Variants in PHRF1 observed in about 807,000 individuals in gnomAD.
PHRF1 encodes PHD and ring finger domains 1.
Under a neutral mutation model 128.9 loss-of-function variants are expected in PHRF1, and 53 were observed. The observed-to-expected ratio is 0.41, with a 90% CI of 0.33 to 0.52. The LOEUF is 0.52. Ranked by LOEUF, PHRF1 falls within the 20% of genes least tolerant of loss-of-function variation. PHRF1 has a pLI of 0.21. For synonymous variants in PHRF1, 1,178 were observed against 980.6 expected (o/e 1.20, Z -3.76); for missense variants, 2,503 against 2,284.5 (o/e 1.10, Z -1.95).
rs751344791 is a variant in PHRF1, at chr11:592,603, G to T, written c.549G>T (p.Pro183=). The change falls in exon 6 of 18, where the codon CCG becomes CCT. Residue 183 remains proline (P), a synonymous_variant. Transcript: ENST00000264555. ...AAGCGAGCGAGGAGGAGGAGGACCC[G>T]ACCTTCTGTGAGGTGTGCGGCAGGA... ...NTKASEEEED[P]TFCEVCGRSD... is the part of the protein sequence containing the mutation. The T allele has an allele frequency of 3.7e-6, 6 of 1,614,070 alleles. No homozygotes were observed. The South Asian group carries it at 6.6e-5, about 18-fold the overall frequency.
intron 14 of PHRF1, among the ~76,000 whole-genome samples, 155 bp downstream of exon 14, chr11:609,875 C>T (rs1220879948): frequency 1.3e-5 from 2 of 151,784 alleles, no homozygotes; most frequent in Non-Finnish European, 2.9e-5. Flanking sequence ...GAGAACAGAG[C>T]CCCCTGTGAA....
chr11:605,129 C>G lies in PHRF1; in HGVS notation c.1163C>G (p.Thr388Ser). 1 of 1,609,508 alleles carries G rather than the reference C, an allele frequency of 6.2e-7. No individual in the cohort carries two copies. The highest frequency in any genetic ancestry group is 8.5e-7 in the Non-Finnish European group (1 of 1,176,488). Residue 388 changes from threonine (T) to serine (S), a missense_variant, in exon 11 of 18, where the codon ACC (threonine) becomes AGC (serine). By Grantham distance (58) the Thr-to-Ser change is moderately conservative (BLOSUM62 1). Transcript: ENST00000264555. ...TGTTACTGGATTCAGAGTGAAGCCA[C>G]CACTCGCTCTCGAATCGCGCGGACG... is the stretch of plus-strand genomic sequence containing the variant. ...RRGKKVKSEA[T>S]TRSRIARTLG...
intron 9 of PHRF1, among the ~76,000 whole-genome samples, chr11:600,560 G>A (rs1007275717): frequency 6.7e-6 from 1 of 149,332 alleles, no homozygotes; most frequent in Non-Finnish European, 1.5e-5. Context: ...GCCGGGCACA[G>A]TGGCTCGCAC....
At chr11:609,748 G>T in intron 14 of PHRF1, 28 bp downstream of exon 14, 1 of 1,401,452 alleles carries the variant, frequency 7.1e-7, no homozygotes, top group Non-Finnish European at 9.4e-7. Flanking sequence ...CCCCACCGAG[G>T]ACAGAGCCCC....
Position 605,271 on chromosome 11 carries a change from A to G in PHRF1, c.1305A>G (p.Gly435=), listed in dbSNP as rs372023073. The change falls in exon 11 of 18, where the codon GGA becomes GGG. Residue 435 remains glycine (G), a synonymous_variant. Coordinates refer to ENST00000264555, the MANE Select transcript of PHRF1 (RefSeq NM_001286581.2). ...DIGAASLSLF[G]DPYELDPFDS... ...GAGCTGCCTCTCTGTCTCTGTTTGG[A>G]GATCCTTATGAGCTGGATCCCTTCG... 41 of 1,613,510 alleles carry G rather than the reference A, an allele frequency of 2.5e-5. No individual in the cohort carries two copies. In the African/African-American group the frequency reaches 3.9e-4, roughly 15 times the overall value.
Position 582,030 on chromosome 11 carries a change from G to A in PHRF1, c.163G>A (p.Asp55Asn), listed in dbSNP as rs1257098875. 1.9e-6 allele frequency: 3 copies of A among 1,607,468 alleles called. No homozygotes were observed. Among genetic ancestry groups the A allele is most frequent in the African/African-American group, 2.7e-5 (2 of 74,864 alleles). ...DSDSEHGDGTDGEDEGASEEE... is the reference protein window; with the variant it reads ...DSDSEHGDGTNGEDEGASEEE... ...TGACAGCGAGCATGGAGATGGCACAGACGGAGAAGACGAGGGGGCGTCTGA... is the reference window on the plus strand; with the variant it reads ...TGACAGCGAGCATGGAGATGGCACAAACGGAGAAGACGAGGGGGCGTCTGA... Residue 55 changes from aspartate (D) to asparagine (N), a missense_variant, in exon 3 of 18, where the codon GAC becomes AAC. By Grantham distance (23) the Asp-to-Asn change is conservative (BLOSUM62 1). Transcript: ENST00000264555.
intron 1 of PHRF1, among the ~76,000 whole-genome samples, chr11:579,358 A>G (rs950083582): frequency 4.6e-5 from 7 of 152,296 alleles, no homozygotes; most frequent in African/African-American, 7.2e-5. Flanking sequence ...ATGTTTCTCC[A>G]GGGCAGGGAC....
rs776010403 is a variant in PHRF1 at position 607,469 on chromosome 11, CAGA to C, written c.2018_2020del (p.Arg673del). 133 of 1,612,848 alleles carry C rather than the reference CAGA, an allele frequency of 8.2e-5. 1 individual carries two copies. The East Asian group carries it at 2.7e-3, about 33-fold the overall frequency. On this transcript the variant is annotated inframe_deletion, in exon 14 of 18. Transcript: ENST00000264555. ...CGGGGCCTCCCCTGAAGCCAGCGCC[CAGA>C]AGAACAGACATCTCTGAGCTACCCA... is the stretch of plus-strand genomic sequence containing the variant.
At chr11:590,923 G>A (rs1191615451) in intron 4 of PHRF1, among the ~76,000 whole-genome samples, 2 of 152,044 alleles carry the variant, frequency 1.3e-5, no homozygotes, top group South Asian at 2.1e-4. Context: ...GGCTGGTCTC[G>A]AACTCCCGAC....
chr11:579,716 T>C (rs1203662220), intron 1 of PHRF1, among the ~76,000 whole-genome samples: 1 of 152,200 alleles, frequency 6.6e-6, no homozygotes, highest in Non-Finnish European at 1.5e-5. Context: ...GGGTGGCAGG[T>C]AGAAGAAAGG....
At chr11:598,224 C>A in intron 8 of PHRF1, 149 bp from the exon 9 acceptor site, 1 of 1,186,138 alleles carries the variant, frequency 8.4e-7, no homozygotes, top group Non-Finnish European at 1.1e-6. Context: ...GAGAGGAAGG[C>A]CGGGCCGTGG....
chr11:610,173 C>A, intron 14 of PHRF1, 23 bp from the exon 15 acceptor site: 1 of 1,484,906 alleles, frequency 6.7e-7, no homozygotes, highest in Non-Finnish European at 9.0e-7. Context: ...GAGCACCCAC[C>A]TCCCTGTCTG....
intron 3 of PHRF1, among the ~76,000 whole-genome samples, chr11:582,524 C>T (rs1232139309): frequency 6.6e-6 from 1 of 151,324 alleles, no homozygotes; most frequent in Non-Finnish European, 1.5e-5. Flanking sequence ...GGCCTGTAGT[C>T]CTCCTTTTTT....
rs753510167 is a variant in PHRF1, at chr11:610,761, G to A, written c.4677G>A (p.Glu1559=). The part of the protein sequence containing the change: ...RLAAEKTKKE[E]YMKKLHMQER... ...CTGCGGAGAAAACCAAGAAGGAGGAGGTGAGTCCTGCCTCCTCCCACTTTC... is the reference window on the plus strand; with the variant it reads ...CTGCGGAGAAAACCAAGAAGGAGGAAGTGAGTCCTGCCTCCTCCCACTTTC... The change falls in exon 16 of 18, where the codon GAG becomes GAA. Residue 1559 remains glutamate (E), a splice_region_variant and synonymous_variant. Transcript: ENST00000264555. The A allele has an allele frequency of 3.1e-6, 5 of 1,600,152 alleles. No individual in the cohort carries two copies. In the African/African-American group the frequency reaches 5.3e-5, roughly 17 times the overall value.
Position 605,586 on chromosome 11 carries a change from C to T in PHRF1, c.1335-19C>T. The T allele has an allele frequency of 2.5e-6, 4 of 1,611,354 alleles. No homozygotes were observed. The highest frequency in any genetic ancestry group is 1.7e-5 in the Admixed American group (1 of 59,578). On this transcript the variant is annotated intron_variant, in intron 11 of 17. Transcript: ENST00000264555. ...GCTGGGAGTCACTTGTTCCCTTTGGCCTGTGTCCTCCCCTCTAGCAGTGAA... is the reference window on the plus strand; with the variant it reads ...GCTGGGAGTCACTTGTTCCCTTTGGTCTGTGTCCTCCCCTCTAGCAGTGAA...
In PHRF1 at chr11:597,560, G is replaced by A; in HGVS notation, c.884G>A (p.Arg295Lys). 1 of 1,611,080 alleles carries A rather than the reference G, an allele frequency of 6.2e-7. No individual in the cohort carries two copies. Among genetic ancestry groups the A allele is most frequent in the Non-Finnish European group, 8.5e-7 (1 of 1,179,132 alleles). The change falls in exon 8 of 18, where the codon AGG becomes AAG. Residue 295 changes from arginine (R) to lysine (K), a missense_variant. Coordinates refer to ENST00000264555, the MANE Select transcript of PHRF1 (RefSeq NM_001286581.2). The surrounding 1 kb of genome is among the most constrained non-coding windows in gnomAD (Gnocchi z 6.5). ...AACCGGAACCGGATCTCCACGGCCA[G>A]GAGGGTCCAGGTGGGTGGCCCAGCC... ...TVNRNRISTARRVQHTPGRLG... is the reference protein window; with the variant it reads ...TVNRNRISTAKRVQHTPGRLG...
At chr11:586,874 G>T (rs910857312) in intron 3 of PHRF1, among the ~76,000 whole-genome samples, 11 of 152,110 alleles carry the variant, frequency 7.2e-5, no homozygotes, top group African/African-American at 2.7e-4. Context: ...CTGTCAGGGG[G>T]CTGCTGCACT....
chr11:591,436 G>A lies in PHRF1; in HGVS notation c.473G>A (p.Arg158Gln), dbSNP rs114010389. The A allele has an allele frequency of 2.9e-4, 473 of 1,609,364 alleles. 3 individuals carry two copies. The African/African-American group carries it at 5.6e-3, about 19-fold the overall frequency. ...ACTCTATTTAAGTGCATTTGTATTC[G>A]AGCTCAATTTGGTGGTAAAATCTTA... Reference protein sequence around the residue: ...DRTLFKCICIRAQFGGKILRK... With the variant: ...DRTLFKCICIQAQFGGKILRK... The change falls in exon 5 of 18, where the codon CGA (arginine) becomes CAA (glutamine). Residue 158 changes from arginine (R) to glutamine (Q), a missense_variant. Transcript: ENST00000264555.
At position 608,133 on chromosome 11, in the gene PHRF1, G is replaced by A. The variant is rs1429711213; in HGVS notation, c.2677G>A (p.Glu893Lys). Residue 893 changes from glutamate to lysine, a missense_variant, in exon 14 of 18, where the codon GAA becomes AAA. Physicochemically the swap from Glu to Lys is moderately conservative, Grantham distance 56 (BLOSUM62 1). Transcript: ENST00000264555. ...TVESIFGTEP[E>K]PPLGPSSAMS... ...GGAGAGCATCTTTGGTACAGAGCCCGAACCCCCTCTCGGACCGTCCTCCGC... is the reference window on the plus strand; with the variant it reads ...GGAGAGCATCTTTGGTACAGAGCCCAAACCCCCTCTCGGACCGTCCTCCGC... 4.3e-6 allele frequency: 7 copies of A among 1,611,430 alleles called. No homozygotes were observed. The highest frequency in any genetic ancestry group is 1.1e-5 in the South Asian group (1 of 91,084).
Sources: allele counts gnomAD v4.1 joint callset (sites outside exome capture counted in the v4.1 genomes callset), GRCh38; gene constraint gnomAD v4.1.1; non-coding constraint Gnocchi (gnomAD v3.1); transcripts MANE v1.5; gene names NCBI Gene and HGNC (gene_info 2026-07-23, HGNC 2026-07-21).